The following CNTNAP2 variants were observed in gnomAD, a reference collection of about 807,000 sequenced individuals.
The protein encoded by CNTNAP2 is contactin associated protein 2, also known as contactin-associated protein-like 2.
Under a neutral mutation model 155.2 loss-of-function variants are expected in CNTNAP2, and 98 were observed. The ratio of observed to expected loss-of-function variants is 0.63; its 90% CI spans 0.54 to 0.75. The LOEUF is 0.75. Among genes scored for constraint, CNTNAP2 ranks in the 30% least tolerant of loss-of-function variants. The probability of loss-of-function intolerance (pLI) is 0.00; values close to 1 mark genes in which losing one functional copy is unlikely to be tolerated. For synonymous variants in CNTNAP2, 651 were observed against 631.2 expected (o/e 1.03, Z -0.47); for missense variants, 1,727 against 1,688.1 (o/e 1.02, Z -0.40).
chr7:146,959,611 T>C (rs1031241002), intron 3 of CNTNAP2, among the ~76,000 whole-genome samples: 4 of 150,314 alleles, frequency 2.7e-5, no homozygotes, highest in Non-Finnish European at 5.9e-5. Context: ...TCCCAGCTAC[T>C]TGGGAGGCTG....
chr7:146,545,227 G>A (rs1402151327), intron 1 of CNTNAP2, among the ~76,000 whole-genome samples: 1 of 151,866 alleles, frequency 6.6e-6, no homozygotes, highest in Non-Finnish European at 1.5e-5. Context: ...GAGGGAGTGG[G>A]AGTTATCAAA....
At position 148,039,285 on chromosome 7, in the gene CNTNAP2, G is replaced by A. The variant is rs114682758; in HGVS notation, c.2383+61296G>A. On this transcript the variant is annotated intron_variant, in intron 15 of 23. Coordinates refer to ENST00000361727, the MANE Select transcript of CNTNAP2 (RefSeq NM_014141.6). The stretch of plus-strand genomic sequence containing the variant: ...CTGATGGCCAAGGACAGGAGAAGGA[G>A]AGTGTCAGCGCTCTGGGAGAGACAA... Among the ~76,000 whole-genome samples the A allele has an allele frequency of 8.3e-3, 1,257 of 152,308 alleles. 16 individuals are homozygous for A. Among genetic ancestry groups the A allele is most frequent in the African/African-American group, 0.029 (1,202 of 41,578 alleles).
intron 3 of CNTNAP2, among the ~76,000 whole-genome samples, chr7:146,880,243 G>GATT (rs1795516815): frequency 1.3e-5 from 2 of 152,074 alleles, no homozygotes; most frequent in South Asian, 4.1e-4. Flanking sequence ...AGCCTATGGT[G>GATT]ATTAGGTCCT....
At chr7:147,481,752 T>G (rs1458950962) in intron 10 of CNTNAP2, among the ~76,000 whole-genome samples, 1 of 152,170 alleles carries the variant, frequency 6.6e-6, no homozygotes, top group Non-Finnish European at 1.5e-5. Flanking sequence ...AATTGACACC[T>G]GCCAACTTCT....
intron 1 of CNTNAP2, among the ~76,000 whole-genome samples, chr7:146,226,156 T>C (rs1444774629): frequency 2.6e-5 from 4 of 152,172 alleles, no homozygotes; most frequent in Admixed American, 2.0e-4. Flanking sequence ...GCACTCAGAT[T>C]CTGCCTCGGC....
chr7:148,365,506 A>G (rs183131858), intron 21 of CNTNAP2, among the ~76,000 whole-genome samples: 173 of 152,078 alleles, frequency 1.1e-3, no homozygotes, highest in African/African-American at 4.0e-3. Flanking sequence ...CTCTACTAAA[A>G]ATACAAAAAT....
intron 1 of CNTNAP2, among the ~76,000 whole-genome samples, chr7:146,485,287 G>A (rs771515571): frequency 8.6e-5 from 13 of 152,042 alleles, no homozygotes; most frequent in South Asian, 2.1e-4. Flanking sequence ...GTGATGCCAC[G>A]GCAGACAGGC....
intron 8 of CNTNAP2, among the ~76,000 whole-genome samples, chr7:147,245,368 C>T (rs1804034068): frequency 6.6e-6 from 1 of 152,100 alleles, no homozygotes; most frequent in Non-Finnish European, 1.5e-5. Flanking sequence ...AGGGAGTCGT[C>T]TCTCTGTGGG....
chr7:146,349,826 A>G (rs7779936), intron 1 of CNTNAP2, among the ~76,000 whole-genome samples: 35,146 of 152,016 alleles, frequency 0.23, 8,513 homozygotes, highest in African/African-American at 0.62. Flanking sequence ...TAGAGTTTCT[A>G]CCGAGAGATC....
At chr7:147,039,814 C>T (rs1218246946) in intron 3 of CNTNAP2, among the ~76,000 whole-genome samples, 1 of 152,134 alleles carries the variant, frequency 6.6e-6, no homozygotes, top group African/African-American at 2.4e-5. Context: ...ATTTCCTTTT[C>T]TCCAAAACCT....
intron 1 of CNTNAP2, among the ~76,000 whole-genome samples, chr7:146,648,399 C>T (rs1222353204): frequency 6.6e-6 from 1 of 151,984 alleles, no homozygotes; most frequent in Non-Finnish European, 1.5e-5. Flanking sequence ...TAATAAAGCC[C>T]ATAGCTTGGG....
chr7:147,947,699 G>A (rs906598821), intron 14 of CNTNAP2, among the ~76,000 whole-genome samples: 1 of 152,064 alleles, frequency 6.6e-6, no homozygotes, highest in Non-Finnish European at 1.5e-5. Flanking sequence ...AGAGATCAGA[G>A]TGGGGCTTGG....
At chr7:148,076,422 CTTTTTTTTTTTTTT>C (rs771048326) in intron 15 of CNTNAP2, among the ~76,000 whole-genome samples, 10 of 49,802 alleles carry the variant, frequency 2.0e-4, no homozygotes, top group African/African-American at 9.3e-4. Context: ...GCTCTGACTT[CTTTTTTTTTTTTTT>C]TTTTTTTTTT....
chr7:147,037,856 A>T (rs368905289), intron 3 of CNTNAP2, among the ~76,000 whole-genome samples: 1 of 152,174 alleles, frequency 6.6e-6, no homozygotes, highest in East Asian at 1.9e-4. Context: ...CTTATCAAAT[A>T]CTGATATTTA....
intron 9 of CNTNAP2, among the ~76,000 whole-genome samples, chr7:147,338,430 A>AT (rs1453489119): frequency 4.6e-5 from 7 of 152,134 alleles, no homozygotes; most frequent in African/African-American, 1.7e-4. Context: ...GTCTACACTG[A>AT]TTTTTTTAAA....
At chr7:147,950,778 A>G (rs1401053744) in intron 14 of CNTNAP2, among the ~76,000 whole-genome samples, 1 of 152,240 alleles carries the variant, frequency 6.6e-6, no homozygotes. Context: ...TCCTAAAAGC[A>G]GGAGATAAAT....
chr7:147,052,713 A>T (rs1799494400), intron 4 of CNTNAP2, among the ~76,000 whole-genome samples: 1 of 151,998 alleles, frequency 6.6e-6, no homozygotes, highest in East Asian at 1.9e-4. Context: ...TCAGAGGAAA[A>T]AAAACCACCC....
At chr7:148,043,387 A>G (rs1802712861) in intron 15 of CNTNAP2, among the ~76,000 whole-genome samples, 1 of 152,182 alleles carries the variant, frequency 6.6e-6, no homozygotes, top group Non-Finnish European at 1.5e-5. Context: ...TACGAAACAC[A>G]CAGGAGGCCT....
At chr7:146,576,591 G>A (rs1798529534) in intron 1 of CNTNAP2, among the ~76,000 whole-genome samples, 1 of 152,200 alleles carries the variant, frequency 6.6e-6, no homozygotes, top group East Asian at 1.9e-4. Context: ...GATATTTTAG[G>A]CAGTAACTCA....
Sources: gnomAD v4.1 joint callset for allele counts (sites outside exome capture counted in the v4.1 genomes callset) on GRCh38, gnomAD v4.1.1 for gene constraint, MANE v1.5 for transcripts, NCBI Gene and HGNC (gene_info 2026-07-23, HGNC 2026-07-21) for gene names.